Variants in DMD observed in about 807,000 individuals in gnomAD.
The protein encoded by DMD is mutant dystrophin.
DMD carries 63 observed loss-of-function variants against 330.1 expected under a neutral mutation model. The observed-to-expected ratio is 0.19, with a 90% CI of 0.16 to 0.24. The LOEUF (loss-of-function observed/expected upper bound fraction) is 0.24. Among genes scored for constraint, DMD ranks in the 10% least tolerant of loss-of-function variants. The pLI, the probability that DMD is intolerant of heterozygous loss-of-function variation, is 1.00. For missense variants in DMD, 3,344 were observed against 2,684.1 expected, an observed-to-expected ratio of 1.25 and a Z score of -5.43; for synonymous variants, 1,223 against 959.8, an observed-to-expected ratio of 1.27 and a Z score of -5.07.
chrX:32,739,609 T>A (rs969213369), intron 7 of DMD, among the ~76,000 whole-genome samples: 2 of 112,084 alleles, frequency 1.8e-5, no homozygotes, highest in African/African-American at 6.5e-5. Flanking sequence ...TGGGAAATTA[T>A]TAACAGACCA....
At chrX:33,245,808 G>C (rs2052655255) in intron 1 of DMD, among the ~76,000 whole-genome samples, 1 of 111,757 alleles carries the variant, frequency 8.9e-6, no homozygotes, top group African/African-American at 3.2e-5. Context: ...ACATATTTTT[G>C]TAATCCATTA....
intron 2 of DMD, among the ~76,000 whole-genome samples, chrX:32,950,293 T>C (rs191815878): frequency 9.0e-6 from 1 of 111,449 alleles, no homozygotes; most frequent in Non-Finnish European, 1.9e-5. Context: ...AGCTATTTAA[T>C]TCTCATAGAA....
chrX:33,223,397 C>T (rs764500212), intron 1 of DMD, among the ~76,000 whole-genome samples: 3 of 111,824 alleles, frequency 2.7e-5, no homozygotes, highest in African/African-American at 6.5e-5. Flanking sequence ...TTCAAGACTT[C>T]GGTAATCAAG....
chrX:32,658,253 G>C (rs184093521), intron 9 of DMD, among the ~76,000 whole-genome samples: 2 of 111,223 alleles, frequency 1.8e-5, no homozygotes, highest in Admixed American at 1.9e-4. Flanking sequence ...TAGCACAAGA[G>C]ATGTCCCCAA....
chrX:31,640,518 T>C (rs754872113), intron 54 of DMD, among the ~76,000 whole-genome samples: 3 of 112,533 alleles, frequency 2.7e-5, no homozygotes, highest in Admixed American at 9.4e-5. Context: ...AATGTGAATA[T>C]TTTTACAAGT....
At chrX:31,456,876 G>GTGTGTATATA (rs752346201) in intron 59 of DMD, among the ~76,000 whole-genome samples, 3 of 68,727 alleles carry the variant, frequency 4.4e-5, no homozygotes, top group East Asian at 4.4e-4. Flanking sequence ...GTGTGTGTGT[G>GTGTGTATATA]TATATATATA....
intron 16 of DMD, among the ~76,000 whole-genome samples, chrX:32,549,255 T>C (rs1334165582): frequency 7.2e-5 from 8 of 111,378 alleles, no homozygotes; most frequent in Non-Finnish European, 1.5e-4. Context: ...GGTTCTTATC[T>C]CAAATCTATG....
At chrX:31,687,658 TA>T (rs2082776874) in intron 52 of DMD, among the ~76,000 whole-genome samples, 1 of 112,008 alleles carries the variant, frequency 8.9e-6, no homozygotes, top group East Asian at 2.8e-4. Context: ...GAACATGAGG[TA>T]AACTGCTAAG....
chrX:32,252,765 T>TATATATAA (rs1179613216), intron 43 of DMD, among the ~76,000 whole-genome samples: 13,152 of 38,026 alleles, frequency 0.35, 2,848 homozygotes, highest in East Asian at 0.6. Context: ...AATATATAAA[T>TATATATAA]ATATATAAAT....
chrX:32,930,729 T>C (rs927710419), intron 2 of DMD, among the ~76,000 whole-genome samples: 2 of 110,437 alleles, frequency 1.8e-5, no homozygotes, highest in Non-Finnish European at 3.8e-5. Flanking sequence ...CAATTCTTCA[T>C]TTGATAAATC....
At chrX:32,867,751 T>C (rs1025135810) in intron 2 of DMD, among the ~76,000 whole-genome samples, 3 of 111,841 alleles carry the variant, frequency 2.7e-5, no homozygotes, top group Non-Finnish European at 5.6e-5. Context: ...AACTATCAAA[T>C]AGTTAACCAA....
chrX:32,031,035 C>T (rs144824129), intron 44 of DMD, among the ~76,000 whole-genome samples: 2,394 of 111,328 alleles, frequency 0.022, 24 homozygotes, highest in Middle Eastern at 0.038. Context: ...CTATTAGTTG[C>T]TCATAACATA....
chrX:32,026,883 A>T (rs2095848888), intron 44 of DMD, among the ~76,000 whole-genome samples: 1 of 110,382 alleles, frequency 9.1e-6, no homozygotes, highest in Non-Finnish European at 1.9e-5. Flanking sequence ...GGTCTTTGGG[A>T]CTCTTTTCCA....
chrX:32,214,929 C>T (rs1266108812), intron 44 of DMD, among the ~76,000 whole-genome samples: 1 of 111,446 alleles, frequency 9.0e-6, no homozygotes, highest in East Asian at 2.8e-4. Flanking sequence ...TTTAAATTAA[C>T]CCAGAATAGA....
chrX:31,254,600 A>T (rs1466343500), intron 63 of DMD, among the ~76,000 whole-genome samples: 1 of 111,660 alleles, frequency 9.0e-6, no homozygotes, highest in Non-Finnish European at 1.9e-5. Context: ...CCTGAGCTCA[A>T]GTGAGCTGCT....
At chrX:32,277,605 ATAATATCAAGCATCT>A (rs1205569280) in intron 43 of DMD, among the ~76,000 whole-genome samples, 1 of 111,849 alleles carries the variant, frequency 8.9e-6, no homozygotes, top group Non-Finnish European at 1.9e-5. Context: ...TAACAATGAA[ATAATATCAAGCATCT>A]TCTCTGACCA....
chrX:32,486,074 G>A (rs1379666229), intron 20 of DMD, among the ~76,000 whole-genome samples: 1 of 109,659 alleles, frequency 9.1e-6, no homozygotes, highest in East Asian at 2.9e-4. Flanking sequence ...TGGCTGTCCA[G>A]GTTTCCTCTT....
chrX:32,553,660 T>C (rs2049844619), intron 16 of DMD, among the ~76,000 whole-genome samples: 2 of 112,344 alleles, frequency 1.8e-5, no homozygotes, highest in South Asian at 7.4e-4. Context: ...CATATGACTG[T>C]AGTTGCAATT....
At chrX:33,324,014 T>A (rs1273689347) in intron 1 of DMD, among the ~76,000 whole-genome samples, 5 of 111,473 alleles carry the variant, frequency 4.5e-5, no homozygotes, top group Non-Finnish European at 9.4e-5. Flanking sequence ...CAATGCATAT[T>A]TTGATAATTG....
Sources: gnomAD v4.1 joint callset for allele counts (sites outside exome capture counted in the v4.1 genomes callset) on GRCh38, gnomAD v4.1.1 for gene constraint, MANE v1.5 for transcripts, NCBI Gene and HGNC (gene_info 2026-07-23, HGNC 2026-07-21) for gene names.